The following SLC39A7 variants were observed in gnomAD, a reference collection of about 807,000 sequenced individuals.
SLC39A7 encodes the protein zinc transporter SLC39A7.
SLC39A7 carries 25 observed loss-of-function variants against 39.7 expected under a neutral mutation model. The ratio of observed to expected loss-of-function variants is 0.63; its 90% CI spans 0.46 to 0.88. The LOEUF is 0.88. Among genes scored for constraint, SLC39A7 ranks in the 40% least tolerant of loss-of-function variants. The probability of loss-of-function intolerance (pLI) is 0.00; values close to 1 mark genes in which losing one functional copy is unlikely to be tolerated. For missense variants in SLC39A7, 501 were observed against 592.1 expected (o/e 0.85, Z 1.60); for synonymous variants, 181 against 234.1 (o/e 0.77, Z 2.07).
At position 33,201,387 on chromosome 6, in the gene SLC39A7, A is replaced by G; in HGVS notation, c.142A>G (p.Arg48Gly). ...LQEDFHGHSH[R>G]HSHEDFHHGH... ...AGAGGACTTCCATGGCCACAGCCAC[A>G]GGCACTCACATGAAGATTTCCACCA... Residue 48 changes from arginine to glycine, a missense_variant, in exon 1 of 7, where the codon AGG (arginine) becomes GGG (glycine). Coordinates refer to ENST00000374677, the MANE Select transcript of SLC39A7 (RefSeq NM_006979.3). The surrounding 1 kb of genome is among the most constrained non-coding windows in gnomAD (Gnocchi z 5.9). The G allele has an allele frequency of 6.2e-7, 1 of 1,614,032 alleles. No individual in the cohort carries two copies. The highest frequency in any genetic ancestry group is 8.5e-7 in the Non-Finnish European group (1 of 1,179,936).
chr6:33,202,958 A>G lies in SLC39A7; in HGVS notation c.989A>G (p.Asn330Ser). ...AATCTGGCTGCTGACTTGGCACACA[A>G]CTTCACTGATGGTCTGGCCATTGGG... is the stretch of plus-strand genomic sequence containing the variant. The part of the protein sequence containing the change: ...YLNLAADLAH[N>S]FTDGLAIGAS... Residue 330 changes from asparagine to serine, a missense_variant, in exon 6 of 7, where the codon AAC (asparagine) becomes AGC (serine). By Grantham distance (46) the Asn-to-Ser change is conservative. Coordinates refer to ENST00000374677, the MANE Select transcript of SLC39A7 (RefSeq NM_006979.3). 1 of 1,612,308 alleles carries G rather than the reference A, an allele frequency of 6.2e-7. No homozygotes were observed. The highest frequency in any genetic ancestry group is 8.5e-7 in the Non-Finnish European group (1 of 1,179,820).
At chr6:33,203,233 G>C in intron 6 of SLC39A7, 127 bp downstream of exon 6, 2 of 856,268 alleles carry the variant, frequency 2.3e-6, no homozygotes, top group Admixed American at 2.7e-5. Flanking sequence ...CTAGAAATGA[G>C]GGGGAAGAAG....
rs1562430526 is a variant in SLC39A7 at position 33,201,891 on chromosome 6, G to C, written c.558G>C (p.Leu186=). The C allele has an allele frequency of 6.2e-7, 1 of 1,612,826 alleles. No individual in the cohort carries two copies. The highest frequency in any genetic ancestry group is 8.5e-7 in the Non-Finnish European group (1 of 1,179,978). ...ASGGLLGDAF[L]HLIPHALEPH... is the part of the protein sequence containing the mutation. ...GTGGGCTCCTGGGAGATGCTTTCCT[G>C]CACCTCATTCCTCATGCTCTTGGTA... The change falls in exon 2 of 7, where the codon CTG becomes CTC. Residue 186 remains leucine (L), a synonymous_variant. Transcript: ENST00000374677. The surrounding 1 kb of genome is among the most constrained non-coding windows in gnomAD (Gnocchi z 5.9).
rs1373815806 is a variant in SLC39A7, at chr6:33,202,068, C to T, written c.581-4C>T. 6 of 1,612,802 alleles carry T rather than the reference C, an allele frequency of 3.7e-6. No homozygotes were observed. Among genetic ancestry groups the T allele is most frequent in the Admixed American group, 3.3e-5 (2 of 60,008 alleles). ...CCTCATCTGGTTTTCCCCCCTTCTT[C>T]CAGAACCTCATTCTCACCACACTCT... On this transcript the variant is annotated splice_polypyrimidine_tract_variant and splice_region_variant and intron_variant, in intron 2 of 6. Coordinates refer to ENST00000374677, the MANE Select transcript of SLC39A7 (RefSeq NM_006979.3).
chr6:33,203,059 G>T lies in SLC39A7; in HGVS notation c.1090G>T (p.Val364Phe). 1 of 1,607,544 alleles carries T rather than the reference G, an allele frequency of 6.2e-7. No homozygotes were observed. Among genetic ancestry groups the T allele is most frequent in the Non-Finnish European group, 8.5e-7 (1 of 1,177,800 alleles). Residue 364 changes from valine (V) to phenylalanine (F), a missense_variant, in exon 6 of 7, where the codon GTC becomes TTC. Coordinates refer to ENST00000374677, the MANE Select transcript of SLC39A7 (RefSeq NM_006979.3). Reference protein sequence around the residue: ...TVLLHEVPHEVGDFAILVQSG... With the variant: ...TVLLHEVPHEFGDFAILVQSG... ...CCTGCTACATGAAGTGCCCCACGAGGTCGGAGACTTTGCCATCTTGGTCCA... is the reference window on the plus strand; with the variant it reads ...CCTGCTACATGAAGTGCCCCACGAGTTCGGAGACTTTGCCATCTTGGTCCA...
rs1317952118 is a variant in SLC39A7 at position 33,202,092 on chromosome 6, C to G, written c.601C>G (p.Leu201Val). 2 of 1,613,052 alleles carry G rather than the reference C, an allele frequency of 1.2e-6. No individual in the cohort carries two copies. Among genetic ancestry groups the G allele is most frequent in the Admixed American group, 1.7e-5 (1 of 60,034 alleles). ...HALEPHSHHT[L>V]EQPGHGHSHS... ...TCCAGAACCTCATTCTCACCACACT[C>G]TGGAGCAACCCGGACATGGACACTC... The change falls in exon 3 of 7, where the codon CTG becomes GTG. Residue 201 changes from leucine to valine, a missense_variant. Physicochemically the swap from Leu to Val is conservative, Grantham distance 32 (BLOSUM62 1). Transcript: ENST00000374677.
Position 33,204,087 on chromosome 6 carries a change from CA to C in SLC39A7, c.*275del, listed in dbSNP as rs1774828097. ...GGGCCATGAAGAAGGCTGGAAGGGA[CA>C]GGGGGTGATGGCAGCCTACCTGGTG... is the stretch of plus-strand genomic sequence containing the variant. On this transcript the variant is annotated 3_prime_UTR_variant, in exon 7 of 7. Coordinates refer to ENST00000374677, the MANE Select transcript of SLC39A7 (RefSeq NM_006979.3). The C allele has an allele frequency of 3.5e-6, 2 of 576,040 alleles. No homozygotes were observed. Among genetic ancestry groups the C allele is most frequent in the Admixed American group, 3.0e-5 (1 of 32,870 alleles). The allele number at this position is 576,040 out of a possible 1,614,324, so 35.7% of individuals were successfully genotyped here.
At position 33,203,831 on chromosome 6, in the gene SLC39A7, C is replaced by T; in HGVS notation, c.*18C>T. 1 of 1,612,660 alleles carries T rather than the reference C, an allele frequency of 6.2e-7. No individual in the cohort carries two copies. The highest frequency in any genetic ancestry group is 1.1e-5 in the South Asian group (1 of 91,040). ...TTGAGTGAGGGGTGGATAAACTACC[C>T]CTGCCCCAAACCTCTACCCCTAACT... On this transcript the variant is annotated 3_prime_UTR_variant, in exon 7 of 7. Transcript: ENST00000374677.
In SLC39A7 at chr6:33,202,392, G is replaced by A. The variant is rs772091710; in HGVS notation, c.764G>A (p.Ser255Asn). The A allele has an allele frequency of 3.2e-5, 51 of 1,612,774 alleles. No homozygotes were observed. Among genetic ancestry groups the A allele is most frequent in the Non-Finnish European group, 4.1e-5 (48 of 1,179,910 alleles). ...GHSHGHGHAH[S>N]HTRGSHGHGR... ...AGTCATGGACATGGACACGCTCACA[G>A]TCATACACGTGGAAGTCATGGACAT... The change falls in exon 4 of 7, where the codon AGT becomes AAT. Residue 255 changes from serine (S) to asparagine (N), a missense_variant. Physicochemically the swap from Ser to Asn is conservative, Grantham distance 46 (BLOSUM62 1). Coordinates refer to ENST00000374677, the MANE Select transcript of SLC39A7 (RefSeq NM_006979.3).
At chr6:33,202,192 A>C in intron 3 of SLC39A7, 67 bp downstream of exon 3, 1 of 1,592,270 alleles carries the variant, frequency 6.3e-7, no homozygotes, top group Non-Finnish European at 8.6e-7. Flanking sequence ...CCTATTCCTC[A>C]CCTCCCGCAC....
chr6:33,202,152 A>G, intron 3 of SLC39A7, 27 bp downstream of exon 3: 1 of 1,611,494 alleles, frequency 6.2e-7, no homozygotes, highest in Non-Finnish European at 8.5e-7. Context: ...TGGGGATGGG[A>G]GTTGGGGTGC....
intron 6 of SLC39A7, 95 bp downstream of exon 6, chr6:33,203,201 C>A (rs966771571): frequency 9.3e-7 from 1 of 1,073,342 alleles, no homozygotes; most frequent in South Asian, 1.5e-5. Context: ...CCAAACAATT[C>A]ATACTGTCAT....
rs762527706 is a variant in SLC39A7, at chr6:33,203,111, G to C, written c.1137+5G>C. 14 of 1,579,192 alleles carry C rather than the reference G, an allele frequency of 8.9e-6. No homozygotes were observed. Among genetic ancestry groups the C allele is most frequent in the Non-Finnish European group, 1.2e-5 (14 of 1,163,160 alleles). Reference sequence around the variant, plus strand: ...TCTGGCTGCAGCAAAAAGCAGGTTGGTGATGTCTGCCAAACACAGCTGCCT... The same window carrying C: ...TCTGGCTGCAGCAAAAAGCAGGTTGCTGATGTCTGCCAAACACAGCTGCCT... On this transcript the variant is annotated splice_donor_5th_base_variant and intron_variant, in intron 6 of 6. Transcript: ENST00000374677.
At position 33,203,776 on chromosome 6, in the gene SLC39A7, G is replaced by A. The variant is rs375996215; in HGVS notation, c.1373G>A (p.Gly458Glu). 4 of 1,614,200 alleles carry A rather than the reference G, an allele frequency of 2.5e-6. No homozygotes were observed. The highest frequency in any genetic ancestry group is 2.7e-5 in the African/African-American group (2 of 75,048). The change falls in exon 7 of 7, where the codon GGA becomes GAA. Residue 458 changes from glycine (G) to glutamate (E), a missense_variant. Physicochemically the swap from Gly to Glu is moderately conservative, Grantham distance 98. Coordinates refer to ENST00000374677, the MANE Select transcript of SLC39A7 (RefSeq NM_006979.3). Reference sequence around the variant, plus strand: ...CTGGAGGTGCTGGGGCTGCTGGGGGGAGTTATCATGATGGTGCTGATTGCC... The same window carrying A: ...CTGGAGGTGCTGGGGCTGCTGGGGGAAGTTATCATGATGGTGCTGATTGCC... ...SLLEVLGLLG[G>E]VIMMVLIAHL...
rs1276567140 is a variant in SLC39A7, at chr6:33,201,844, A to G, written c.511A>G (p.Ile171Val). Residue 171 changes from isoleucine to valine, a missense_variant, in exon 2 of 7, where the codon ATC (isoleucine) becomes GTC (valine). Physicochemically the swap from Ile to Val is conservative, Grantham distance 29. Transcript: ENST00000374677. This position sits in a 1 kb window ranked among gnomAD's most constrained non-coding sequence, Gnocchi z 5.9. The part of the protein sequence containing the change: ...NSPRHRSLLQ[I>V]LLSFASGGLL... Reference sequence around the variant, plus strand: ...TCCCCGGCATCGCTCTCTACTTCAGATCTTGCTCAGTTTTGCTTCCGGTGG... The same window carrying G: ...TCCCCGGCATCGCTCTCTACTTCAGGTCTTGCTCAGTTTTGCTTCCGGTGG... 1.2e-6 allele frequency: 2 copies of G among 1,612,910 alleles called. No homozygotes were observed. The highest frequency in any genetic ancestry group is 2.2e-5 in the South Asian group (2 of 91,062).
intron 3 of SLC39A7, 31 bp from the exon 4 acceptor site, chr6:33,202,232 T>G (rs983007127): frequency 6.2e-7 from 1 of 1,604,336 alleles, no homozygotes; most frequent in Admixed American, 1.7e-5. Flanking sequence ...AATGCACATC[T>G]CCCTTAATGT....
At chr6:33,202,461 T>C (rs1219444600) in intron 4 of SLC39A7, 34 bp downstream of exon 4, 1 of 1,608,864 alleles carries the variant, frequency 6.2e-7, no homozygotes, top group Admixed American at 1.7e-5. Flanking sequence ...GAAAGCTGAC[T>C]TGCCTGCCTC....
At chr6:33,202,737 A>G (rs1370881907) in intron 5 of SLC39A7, 37 bp downstream of exon 5, 2 of 1,572,282 alleles carry the variant, frequency 1.3e-6, no homozygotes, top group South Asian at 2.4e-5. Flanking sequence ...TGGGCAAGGG[A>G]CATCATCACA....
Position 33,201,895 on chromosome 6 carries a change from C to T in SLC39A7, c.562C>T (p.Leu188Phe). 6.2e-7 allele frequency: 1 copy of T among 1,612,848 alleles called. No homozygotes were observed. Among genetic ancestry groups the T allele is most frequent in the Middle Eastern group, 1.6e-4 (1 of 6,062 alleles). ...GGLLGDAFLH[L>F]IPHALEPHSH... is the part of the protein sequence containing the mutation. ...GCTCCTGGGAGATGCTTTCCTGCAC[C>T]TCATTCCTCATGCTCTTGGTAAGTA... Residue 188 changes from leucine to phenylalanine, a missense_variant, in exon 2 of 7, where the codon CTC (leucine) becomes TTC (phenylalanine). Transcript: ENST00000374677. This position sits in a 1 kb window ranked among gnomAD's most constrained non-coding sequence, Gnocchi z 5.9.
Sources: gnomAD v4.1 joint callset for allele counts on GRCh38, gnomAD v4.1.1 for gene constraint, Gnocchi (gnomAD v3.1) non-coding constraint, MANE v1.5 for transcripts, NCBI Gene and HGNC (gene_info 2026-07-23, HGNC 2026-07-21) for gene names.